Variants in GRIK3 observed in about 807,000 individuals in gnomAD.
The protein encoded by GRIK3 is glutamate receptor ionotropic, kainate 3.
A neutral mutation model predicts 102.5 loss-of-function variants in GRIK3; 29 were observed. That is an observed-to-expected ratio of 0.28 (90% confidence interval 0.21 to 0.39). The LOEUF (loss-of-function observed/expected upper bound fraction) is 0.39, where lower values mean the gene tolerates loss of function less well. Among genes scored for constraint, GRIK3 ranks in the 10% least tolerant of loss-of-function variants. GRIK3 has a pLI of 1.00. For synonymous variants in GRIK3, 511 were observed against 504.9 expected (o/e 1.01, Z -0.16); for missense variants, 908 against 1,252.4 (o/e 0.73, Z 4.15).
At chr1:37,007,610 G>A (rs1642546137) in intron 1 of GRIK3, among the ~76,000 whole-genome samples, 1 of 152,218 alleles carries the variant, frequency 6.6e-6, no homozygotes, top group African/African-American at 2.4e-5. Flanking sequence ...TTCCAGATGA[G>A]GACGCACAAA....
rs1641069390 is a variant in GRIK3, at chr1:36,888,660, A to T, written c.292+2260T>A. On this transcript the variant is annotated intron_variant, in intron 2 of 15. Coordinates refer to ENST00000373091, the MANE Select transcript of GRIK3 (RefSeq NM_000831.4). ...CACTTTGGGATCCCCAGCACCTGGCACACAGTGGGCGCTCAACAGACTTCT... is the reference window on the plus strand; with the variant it reads ...CACTTTGGGATCCCCAGCACCTGGCTCACAGTGGGCGCTCAACAGACTTCT... 4.6e-5 allele frequency among the ~76,000 whole-genome samples: 7 copies of T among 152,146 alleles called. No individual in the cohort carries two copies. In the South Asian group the frequency reaches 1.4e-3, roughly 32 times the overall value.
chr1:36,978,841 T>C (rs11799904), intron 1 of GRIK3, among the ~76,000 whole-genome samples: 3,228 of 152,292 alleles, frequency 0.021, 120 homozygotes, highest in African/African-American at 0.074. Context: ...TCACATTCTA[T>C]TGGCCAAAGT....
chr1:36,926,621 C>T (rs1055243620), intron 1 of GRIK3, among the ~76,000 whole-genome samples: 1 of 152,236 alleles, frequency 6.6e-6, no homozygotes, highest in Non-Finnish European at 1.5e-5. Flanking sequence ...GAACTCCTGA[C>T]CTCGTGATCT....
At chr1:36,858,665 C>A (rs1640681452) in intron 7 of GRIK3, among the ~76,000 whole-genome samples, 4 of 152,114 alleles carry the variant, frequency 2.6e-5, no homozygotes, top group African/African-American at 9.7e-5. Flanking sequence ...TATGTATTGA[C>A]CCTCCTCCTG....
chr1:37,008,910 T>C (rs1376108467), intron 1 of GRIK3, among the ~76,000 whole-genome samples: 4 of 152,156 alleles, frequency 2.6e-5, no homozygotes, highest in Non-Finnish European at 4.4e-5. Context: ...CCTGATTCTT[T>C]TCTTGCTAAA....
chr1:36,846,008 G>T (rs896352837), intron 9 of GRIK3, among the ~76,000 whole-genome samples: 1 of 152,198 alleles, frequency 6.6e-6, no homozygotes, highest in East Asian at 1.9e-4. Context: ...CCACACACCC[G>T]CACGCATGCC....
intron 3 of GRIK3, among the ~76,000 whole-genome samples, chr1:36,877,302 C>T (rs999624389): frequency 1.3e-5 from 2 of 152,124 alleles, no homozygotes; most frequent in African/African-American, 4.8e-5. Flanking sequence ...TCAACATTAC[C>T]CTGTTCACAT....
chr1:37,033,014 C>T (rs1418554941), intron 1 of GRIK3, among the ~76,000 whole-genome samples: 2 of 152,118 alleles, frequency 1.3e-5, no homozygotes, highest in Non-Finnish European at 1.5e-5. Context: ...ACCCAGGCGG[C>T]CCAGGTGTCC....
chr1:36,851,167 A>C (rs2124228345), intron 8 of GRIK3, among the ~76,000 whole-genome samples: 1 of 151,626 alleles, frequency 6.6e-6, no homozygotes, highest in Admixed American at 6.5e-5. Flanking sequence ...GCTACTCAGG[A>C]CACTTAATCA....
chr1:36,846,931 C>T (rs562111987), intron 9 of GRIK3, among the ~76,000 whole-genome samples: 30 of 152,372 alleles, frequency 2.0e-4, no homozygotes, highest in Middle Eastern at 3.4e-3. Context: ...GTCACATCCT[C>T]TATCCCCATC....
At chr1:36,915,048 G>A (rs1027122757) in intron 1 of GRIK3, among the ~76,000 whole-genome samples, 3 of 152,148 alleles carry the variant, frequency 2.0e-5, no homozygotes, top group Non-Finnish European at 2.9e-5. Flanking sequence ...AATTCTGAGC[G>A]ACCTTGTCCT....
intron 11 of GRIK3, 60 bp downstream of exon 11, chr1:36,825,543 C>A (rs748334304): frequency 2.7e-5 from 31 of 1,169,444 alleles, no homozygotes; most frequent in Admixed American, 2.7e-5. Flanking sequence ...GAGATGAGGA[C>A]CTGCCTAACC....
chr1:36,987,641 C>T (rs1642319839), intron 1 of GRIK3, among the ~76,000 whole-genome samples: 1 of 152,144 alleles, frequency 6.6e-6, no homozygotes, highest in African/African-American at 2.4e-5. Flanking sequence ...GCTTCCCTGG[C>T]CTGGAGAATG....
At chr1:36,976,987 G>A (rs1258326770) in intron 1 of GRIK3, among the ~76,000 whole-genome samples, 1 of 152,250 alleles carries the variant, frequency 6.6e-6, no homozygotes, top group African/African-American at 2.4e-5. Context: ...GAGTCCAAGC[G>A]GGTGTGACCA....
At chr1:36,810,707 T>C (rs971435376) in intron 13 of GRIK3, among the ~76,000 whole-genome samples, 1 of 152,256 alleles carries the variant, frequency 6.6e-6, no homozygotes, top group Admixed American at 6.5e-5. Flanking sequence ...TCCATATTAA[T>C]TGGCTTTCTT....
intron 1 of GRIK3, among the ~76,000 whole-genome samples, chr1:36,935,357 C>T (rs1364092483): frequency 2.0e-5 from 3 of 152,136 alleles, no homozygotes; most frequent in South Asian, 4.1e-4. Flanking sequence ...AGAAGGTCAC[C>T]ATAGACTGTG....
chr1:36,991,977 G>A (rs1212119739), intron 1 of GRIK3, among the ~76,000 whole-genome samples: 2 of 152,214 alleles, frequency 1.3e-5, no homozygotes, highest in Admixed American at 6.5e-5. Flanking sequence ...GCTGGGAAGG[G>A]GACTGGGAAT....
At position 36,796,415 on chromosome 1, in the gene GRIK3, C is replaced by G. The variant is rs1370418988; in HGVS notation, c.*5436G>C. 6.6e-6 allele frequency: 1 copy of G among 152,352 alleles called. No homozygotes were observed. Among genetic ancestry groups the G allele is most frequent in the Non-Finnish European group, 1.5e-5 (1 of 68,162 alleles). The allele number at this position is 152,352 out of a possible 1,614,324, so 9.4% of individuals were successfully genotyped here. A position where few individuals can be genotyped will look rare whatever the true frequency, so the allele number is the denominator to read the frequency against. On this transcript the variant is annotated 3_prime_UTR_variant, in exon 16 of 16. Coordinates refer to ENST00000373091, the MANE Select transcript of GRIK3 (RefSeq NM_000831.4). The stretch of plus-strand genomic sequence containing the variant: ...ACCCCTCTGGCTCTGAGGTCGCTCC[C>G]TGACAGCTGGTCTCTGGGTCAAATG...
At chr1:36,820,939 C>T (rs1417897939) in intron 11 of GRIK3, among the ~76,000 whole-genome samples, 1 of 152,058 alleles carries the variant, frequency 6.6e-6, no homozygotes, top group Non-Finnish European at 1.5e-5. Flanking sequence ...TTTAAAGAAG[C>T]TCGAGAGGTT....
Sources: allele counts gnomAD v4.1 joint callset (sites outside exome capture counted in the v4.1 genomes callset), GRCh38; gene constraint gnomAD v4.1.1; transcripts MANE v1.5; gene names NCBI Gene and HGNC (gene_info 2026-07-23, HGNC 2026-07-21).